Variants in MCOLN2 observed in about 807,000 individuals in gnomAD.
The protein encoded by MCOLN2 is mucolipin TRP cation channel 2.
Under a neutral mutation model 67.5 loss-of-function variants are expected in MCOLN2, and 57 were observed. The observed-to-expected ratio is 0.84, with a 90% confidence interval of 0.68 to 1.05. MCOLN2 has a LOEUF of 1.05. Ranked by LOEUF, MCOLN2 falls within the 50% of genes least tolerant of loss-of-function variation. The pLI, the probability that MCOLN2 is intolerant of heterozygous loss-of-function variation, is 0.00. For missense variants in MCOLN2, 620 were observed against 678.8 expected (o/e 0.91, Z 0.96); for synonymous variants, 246 against 233.3 (o/e 1.05, Z -0.50).
At chr1:84,937,408 A>G (rs755551557) in intron 11 of MCOLN2, 5 of 201,560 alleles carry the variant, frequency 2.5e-5, no homozygotes, top group Non-Finnish European at 4.7e-5. Flanking sequence ...TAAATTGGAA[A>G]TTTTTTATAA....
chr1:84,962,286 C>G (rs1649131035), intron 2 of MCOLN2, among the ~76,000 whole-genome samples: 1 of 152,198 alleles, frequency 6.6e-6, no homozygotes, highest in Non-Finnish European at 1.5e-5. Context: ...TGGCTCATGC[C>G]TGTAATCCCA....
intron 1 of MCOLN2, among the ~76,000 whole-genome samples, chr1:84,966,076 A>C (rs1332028658): frequency 2.0e-5 from 3 of 151,952 alleles, no homozygotes; most frequent in Admixed American, 1.3e-4. Context: ...AACATGGTGA[A>C]ACCCCATCTC....
chr1:84,969,374 C>A (rs1461196424), intron 1 of MCOLN2, among the ~76,000 whole-genome samples: 1 of 152,036 alleles, frequency 6.6e-6, no homozygotes, highest in Non-Finnish European at 1.5e-5. Flanking sequence ...AGTTTGAGAC[C>A]AGCCTGACCA....
rs146422753 is a variant in MCOLN2 at position 84,962,708 on chromosome 1, G to C, written c.237+2841C>G. ...ACCCCGGACTTGGACGAACAAACAA[G>C]ATGTGGAAGAGAATCATTGGGTTGG... On this transcript the variant is annotated intron_variant, in intron 2 of 13. Transcript: ENST00000370608. Among the ~76,000 whole-genome samples, 14 of 152,332 alleles carry C rather than the reference G, an allele frequency of 9.2e-5. No individual in the cohort carries two copies. In the East Asian group the frequency reaches 1.7e-3, roughly 19 times the overall value.
chr1:84,986,066 A>C (rs1650491041), intron 1 of MCOLN2, among the ~76,000 whole-genome samples: 1 of 152,224 alleles, frequency 6.6e-6, no homozygotes. Context: ...CAGTCACCAA[A>C]ACAGCATGGT....
At chr1:84,952,885 G>C (rs1335514809) in intron 4 of MCOLN2, among the ~76,000 whole-genome samples, 1 of 152,152 alleles carries the variant, frequency 6.6e-6, no homozygotes, top group Non-Finnish European at 1.5e-5. Flanking sequence ...CAACGTGAGA[G>C]ACATTCTACT....
chr1:84,934,909 G>A (rs1442794367), intron 11 of MCOLN2, among the ~76,000 whole-genome samples: 2 of 152,180 alleles, frequency 1.3e-5, no homozygotes, highest in African/African-American at 4.8e-5. Context: ...TGCCTAACAG[G>A]AAGATAGGAA....
chr1:84,969,109 C>T (rs1428773540), intron 1 of MCOLN2, among the ~76,000 whole-genome samples: 1 of 152,224 alleles, frequency 6.6e-6, no homozygotes, highest in African/African-American at 2.4e-5. Flanking sequence ...GGAAGCTCTA[C>T]ACTCCTTCCC....
chr1:84,970,698 T>C lies in MCOLN2; in HGVS notation c.78-4990A>G, dbSNP rs115155389. 2.6e-3 allele frequency among the ~76,000 whole-genome samples: 388 copies of C among 151,980 alleles called. 1 individual carries two copies. The highest frequency in any genetic ancestry group is 9.0e-3 in the African/African-American group (373 of 41,448). On this transcript the variant is annotated intron_variant, in intron 1 of 13. Transcript: ENST00000370608. Reference sequence around the variant, plus strand: ...ACTCAGTCTCATAAATAAATAAATATAAATAAAAGAATACCTTGTGAGCCA... The same window carrying C: ...ACTCAGTCTCATAAATAAATAAATACAAATAAAAGAATACCTTGTGAGCCA...
chr1:84,951,317 T>C (rs1648427307), intron 6 of MCOLN2, among the ~76,000 whole-genome samples: 1 of 152,172 alleles, frequency 6.6e-6, no homozygotes. Context: ...GGACAGTATA[T>C]ACAACTTTCA....
chr1:84,937,582 C>T, intron 11 of MCOLN2, 173 bp downstream of exon 11: 3 of 1,387,212 alleles, frequency 2.2e-6, no homozygotes, highest in Non-Finnish European at 2.8e-6. Flanking sequence ...ATCCTGTAGT[C>T]ACTTCTATAT....
chr1:84,927,705 T>C (rs1308773579), intron 13 of MCOLN2, among the ~76,000 whole-genome samples: 2 of 152,238 alleles, frequency 1.3e-5, no homozygotes, highest in African/African-American at 4.8e-5. Context: ...AAACCAATCT[T>C]TGCAGAGATG....
chr1:84,961,044 A>G (rs566261088), intron 2 of MCOLN2, among the ~76,000 whole-genome samples: 2 of 152,320 alleles, frequency 1.3e-5, no homozygotes, highest in South Asian at 4.1e-4. Flanking sequence ...CTGCTATTAT[A>G]TACTCAGGAA....
rs887039596 is a variant in MCOLN2 at position 84,973,107 on chromosome 1, T to C, written c.78-7399A>G. ...CTTCTAATTGTGTTAATTTAGAAAA[T>C]AGAGAAGTAAAGAATTCCCAAGATT... On this transcript the variant is annotated intron_variant, in intron 1 of 13. Coordinates refer to ENST00000370608, the MANE Select transcript of MCOLN2 (RefSeq NM_153259.4). Among the ~76,000 whole-genome samples the C allele has an allele frequency of 3.3e-5, 5 of 152,168 alleles. No homozygotes were observed. The East Asian group carries it at 7.7e-4, about 24-fold the overall frequency.
intron 7 of MCOLN2, among the ~76,000 whole-genome samples, chr1:84,944,175 T>C (rs1309867652): frequency 5.3e-5 from 8 of 152,098 alleles, no homozygotes; most frequent in South Asian, 2.1e-4. Context: ...GAATCCAGTA[T>C]AGGATTCTGT....
At position 84,937,744 on chromosome 1, in the gene MCOLN2, G is replaced by A; in HGVS notation, c.1335+11C>T. 1.9e-6 allele frequency: 3 copies of A among 1,613,890 alleles called. No individual in the cohort carries two copies. The African/African-American group carries it at 4.0e-5, about 22-fold the overall frequency. ...GCCCCATCTGCAGAAGGAAGAATGT[G>A]AGCTACACACCTTGTCATGGTATGG... On this transcript the variant is annotated intron_variant, in intron 11 of 13. Transcript: ENST00000370608.
At chr1:84,996,671 T>C in intron 1 of MCOLN2, 125 bp downstream of exon 1, 2 of 790,938 alleles carry the variant, frequency 2.5e-6, no homozygotes, top group Non-Finnish European at 4.2e-6. Flanking sequence ...TTTAACTAAC[T>C]GCAAGCAGTT....
rs1661174814 is a variant in MCOLN2, at chr1:84,926,677, G to A, written c.*8C>T. The A allele has an allele frequency of 1.9e-6, 3 of 1,587,024 alleles. No individual in the cohort carries two copies. The highest frequency in any genetic ancestry group is 2.6e-6 in the Non-Finnish European group (3 of 1,163,008). On this transcript the variant is annotated 3_prime_UTR_variant, in exon 14 of 14. Coordinates refer to ENST00000370608, the MANE Select transcript of MCOLN2 (RefSeq NM_153259.4). ...GATGCCTGAACTTTAATCATCTTTA[G>A]CAGAACTTTAGCTAATAGGTATCAA... is the stretch of plus-strand genomic sequence containing the variant.
chr1:84,928,503 A>G (rs995090649), intron 13 of MCOLN2, among the ~76,000 whole-genome samples: 1 of 152,210 alleles, frequency 6.6e-6, no homozygotes, highest in Admixed American at 6.5e-5. Context: ...CCAAAGACCT[A>G]TCGTTTACTT....
Sources: gnomAD v4.1 joint callset for allele counts (sites outside exome capture counted in the v4.1 genomes callset) on GRCh38, gnomAD v4.1.1 for gene constraint, MANE v1.5 for transcripts, NCBI Gene and HGNC (gene_info 2026-07-23, HGNC 2026-07-21) for gene names.